CC2D2B: variants seen among roughly 807,000 people sequenced by gnomAD.
CC2D2B encodes coiled-coil and C2 domain containing 2B.
CC2D2B carries 128 observed loss-of-function variants against 161.2 expected under a neutral mutation model. The ratio of observed to expected loss-of-function variants is 0.79; its 90% CI spans 0.69 to 0.92. The LOEUF (loss-of-function observed/expected upper bound fraction) is 0.92, where lower values mean the gene tolerates loss of function less well. CC2D2B is among the 40% of genes least tolerant of loss of function. The pLI is 0.00. For synonymous variants in CC2D2B, 391 were observed against 449.8 expected, an observed-to-expected ratio of 0.87 and a Z score of 1.65; for missense variants, 1,173 against 1,375.1, an observed-to-expected ratio of 0.85 and a Z score of 2.32.
At position 95,993,946 on chromosome 10, in the gene CC2D2B, GTATGTGTATATATATATATATA is replaced by G. The variant is rs1313187349; in HGVS notation, c.2642+1253_2642+1274del. On this transcript the variant is annotated intron_variant, in intron 22 of 34. Transcript: ENST00000646931. ...TGTGTGTGTGTGTGTGTGTGTGTAT[GTATGTGTATATATATATATATA>G]TATATATATATATATATATATATAT... Among the ~76,000 whole-genome samples the G allele has an allele frequency of 2.5e-3, 73 of 29,006 alleles. 2 individuals are homozygous for G. Among genetic ancestry groups the G allele is most frequent in the Admixed American group, 6.1e-3 (16 of 2,634 alleles). The allele number at this position is 29,006 out of a possible 152,430, so 19.0% of individuals were successfully genotyped here.
chr10:95,989,144 C>T (rs964455381), intron 20 of CC2D2B, among the ~76,000 whole-genome samples: 4 of 152,168 alleles, frequency 2.6e-5, no homozygotes, highest in African/African-American at 9.7e-5. Flanking sequence ...ATTCCAGATC[C>T]CTCATGGGGA....
intron 1 of CC2D2B, among the ~76,000 whole-genome samples, chr10:95,909,683 T>C (rs1021302626): frequency 1.3e-5 from 2 of 152,228 alleles, no homozygotes; most frequent in African/African-American, 4.8e-5. Context: ...AGATATGCAT[T>C]GTGTAACCAT....
intron 18 of CC2D2B, among the ~76,000 whole-genome samples, chr10:95,983,143 A>T (rs1417177165): frequency 6.6e-6 from 1 of 152,208 alleles, no homozygotes; most frequent in East Asian, 1.9e-4. Context: ...TGTCTCTCTG[A>T]TGGCAGCTAG....
At position 95,927,946 on chromosome 10, in the gene CC2D2B, A is replaced by G. The variant is rs903510307; in HGVS notation, c.336+614A>G. ...CCATTTCCTCCTGACTTGTCTCCCT[A>G]TCTGCTCTTGTTCCTGGACACTTTC... On this transcript the variant is annotated intron_variant, in intron 6 of 34. Coordinates refer to ENST00000646931, the MANE Select transcript of CC2D2B (RefSeq NM_001349008.3). 4.6e-5 allele frequency among the ~76,000 whole-genome samples: 7 copies of G among 151,484 alleles called. No homozygotes were observed. In the East Asian group the frequency reaches 5.8e-4, roughly 13 times the overall value.
intron 9 of CC2D2B, among the ~76,000 whole-genome samples, chr10:95,942,558 G>T (rs547007286): frequency 1.1e-4 from 16 of 152,116 alleles, no homozygotes; most frequent in African/African-American, 3.6e-4. Context: ...TTAAGAAAAA[G>T]ATTTGGTAGT....
intron 22 of CC2D2B, 128 bp from the exon 23 acceptor site, chr10:95,995,141 C>T: frequency 2.0e-6 from 1 of 499,824 alleles, no homozygotes; most frequent in South Asian, 3.8e-5. Context: ...CAATTCAAGG[C>T]AAACTCAGTA....
At chr10:96,021,219 C>T (rs746988053) in intron 32 of CC2D2B, 5 of 152,300 alleles carry the variant, frequency 3.3e-5, no homozygotes, top group Middle Eastern at 3.4e-3. Flanking sequence ...AGATGCTCAA[C>T]CTTTGATGTG....
At chr10:96,000,313 C>T (rs938675191) in intron 24 of CC2D2B, 5 of 488,922 alleles carry the variant, frequency 1.0e-5, no homozygotes, top group South Asian at 1.8e-4. Flanking sequence ...TCTATTGTTT[C>T]GTCTGTCTTT....
chr10:96,022,172 T>G (rs1488941546), intron 32 of CC2D2B, among the ~76,000 whole-genome samples: 2 of 151,922 alleles, frequency 1.3e-5, no homozygotes, highest in African/African-American at 4.8e-5. Context: ...ACAAAAAAAT[T>G]TAGCTGAATG....
Position 95,991,416 on chromosome 10 carries a change from A to G in CC2D2B, c.2426A>G (p.Asn809Ser). The G allele has an allele frequency of 8.7e-7, 1 of 1,155,296 alleles. No individual in the cohort carries two copies. Among genetic ancestry groups the G allele is most frequent in the Non-Finnish European group, 1.1e-6 (1 of 917,410 alleles). 71.6% of individuals were successfully genotyped at this position (1,155,296 alleles called of 1,614,324 possible). ...MKRIVKISKCNLSDIVNDYEE... is the reference protein window; with the variant it reads ...MKRIVKISKCSLSDIVNDYEE... ...AGAATTGTTAAAATTAGCAAATGTAACTTGTCAGATATTGTGAATGATTAT... is the reference window on the plus strand; with the variant it reads ...AGAATTGTTAAAATTAGCAAATGTAGCTTGTCAGATATTGTGAATGATTAT... The change falls in exon 21 of 35, where the codon AAC (asparagine) becomes AGC (serine). Residue 809 changes from asparagine (N) to serine (S), a missense_variant. By Grantham distance (46) the Asn-to-Ser change is conservative. Around this residue, in one of 3 missense-constraint regions of CC2D2B, gnomAD observed 598 missense variants for 693.2 expected, o/e 0.86. Transcript: ENST00000646931.
intron 14 of CC2D2B, among the ~76,000 whole-genome samples, chr10:95,967,857 C>A (rs2076995171): frequency 6.6e-6 from 1 of 152,096 alleles, no homozygotes; most frequent in African/African-American, 2.4e-5. Context: ...CAGGGACATA[C>A]TGGGCCCATA....
In CC2D2B at chr10:95,995,282, C is replaced by A. The variant is rs1405666912; in HGVS notation, c.2656C>A (p.Pro886Thr). 6 of 1,523,072 alleles carry A rather than the reference C, an allele frequency of 3.9e-6. No homozygotes were observed. Among genetic ancestry groups the A allele is most frequent in the Non-Finnish European group, 2.6e-6 (3 of 1,139,564 alleles). The allele number at this position is 1,523,072 out of a possible 1,614,324, so 94.3% of individuals were successfully genotyped here. A position where few individuals can be genotyped will look rare whatever the true frequency, so the allele number is the denominator to read the frequency against. Residue 886 changes from proline (P) to threonine (T), a missense_variant, in exon 23 of 35, where the codon CCT (proline) becomes ACT (threonine). This residue lies in a region of CC2D2B where 598 missense variants were observed against 693.2 expected (regional missense o/e 0.86). Transcript: ENST00000646931. The part of the protein sequence containing the change: ...KTTINGSLDM[P>T]TCLKSSISCL... ...TTTTTCCTGAAGATCCTTGGATATG[C>A]CTACTTGTTTGAAATCATCTATATC...
intron 18 of CC2D2B, 137 bp from the exon 19 acceptor site, chr10:95,983,469 T>C (rs2141605203): frequency 2.4e-6 from 1 of 412,412 alleles, no homozygotes; most frequent in Non-Finnish European, 4.2e-6. Context: ...TTTTTGTATG[T>C]TCTAGACTAC....
intron 10 of CC2D2B, among the ~76,000 whole-genome samples, chr10:95,952,949 G>A (rs546811687): frequency 1.3e-5 from 2 of 152,234 alleles, no homozygotes; most frequent in East Asian, 3.9e-4. Context: ...ATTAGAAAGT[G>A]ATAAAATGCC....
chr10:95,993,859 GAGAGAGAGAGAGTGTATATATATATATAT>G (rs1395005036), intron 22 of CC2D2B, among the ~76,000 whole-genome samples: 6,253 of 123,420 alleles, frequency 0.051, 686 homozygotes, highest in East Asian at 0.49. Flanking sequence ...TATAGAGAGA[GAGAGAGAGAGAGTGTATATATATATATAT>G]AGAGAGAGAG....
At chr10:95,955,726 A>T (rs1360955) in intron 11 of CC2D2B, among the ~76,000 whole-genome samples, 83,192 of 151,976 alleles carry the variant, frequency 0.55, 23,244 homozygotes, top group Admixed American at 0.62. Context: ...AAAGTTGAAG[A>T]ACTATGAGTT....
rs2077021862 is a variant in CC2D2B, at chr10:95,968,632, C to T, written c.1467-92C>T. 1.3e-5 allele frequency: 6 copies of T among 460,636 alleles called. No individual in the cohort carries two copies. In the East Asian group the frequency reaches 2.1e-4, roughly 16 times the overall value. The allele number at this position is 460,636 out of a possible 1,614,324, so 28.5% of individuals were successfully genotyped here. On this transcript the variant is annotated intron_variant, in intron 14 of 34. Coordinates refer to ENST00000646931, the MANE Select transcript of CC2D2B (RefSeq NM_001349008.3). ...AACATTTGTCCTCTGAAATTATCTT[C>T]TGTTTAACATGCTAATATACATTTT...
At chr10:96,019,520 A>C (rs1013970003) in intron 31 of CC2D2B, 182 bp from the exon 32 acceptor site, 49 of 815,490 alleles carry the variant, frequency 6.0e-5, no homozygotes, top group Middle Eastern at 3.8e-4. Context: ...CAAGGATGAG[A>C]ACCGTTGAGG....
At position 96,012,055 on chromosome 10, in the gene CC2D2B, C is replaced by A. The variant is rs149869971; in HGVS notation, c.3046-130C>A. 8.3e-3 allele frequency: 4,347 copies of A among 526,538 alleles called. 43 individuals carry two copies. The highest frequency in any genetic ancestry group is 0.028 in the East Asian group (890 of 32,220). 32.6% of individuals were successfully genotyped at this position (526,538 alleles called of 1,614,324 possible). A position where few individuals can be genotyped will look rare whatever the true frequency, so the allele number is the denominator to read the frequency against. ...GAACCTGCTCATTCTTGGGCAAGTG[C>A]AAATGAGTAGAAGCCCGTTCACGCA... On this transcript the variant is annotated intron_variant, in intron 26 of 34. Transcript: ENST00000646931.
Sources: gnomAD v4.1 joint callset for allele counts (sites outside exome capture counted in the v4.1 genomes callset) on GRCh38, gnomAD v4.1.1 for gene constraint, gnomAD v4.1.1 regional missense constraint, MANE v1.5 for transcripts, NCBI Gene and HGNC (gene_info 2026-07-23, HGNC 2026-07-21) for gene names.